DEF6: variants seen among roughly 807,000 people sequenced by gnomAD.
DEF6 encodes the protein DEF6 guanine nucleotide exchange factor, also known as differentially expressed in FDCP 6 homolog.
Under a neutral mutation model 80.5 loss-of-function variants are expected in DEF6, and 32 were observed. The observed-to-expected ratio is 0.40, with a 90% CI of 0.30 to 0.53. The LOEUF is 0.53. DEF6 is among the 20% of genes least tolerant of loss of function. DEF6 has a pLI of 0.57. For synonymous variants in DEF6, 300 were observed against 337.9 expected (o/e 0.89, Z 1.23); for missense variants, 575 against 818.7 (o/e 0.70, Z 3.63).
chr6:35,309,996 C>T (rs961538638), intron 2 of DEF6, among the ~76,000 whole-genome samples, 186 bp downstream of exon 2: 1 of 150,148 alleles, frequency 6.7e-6, no homozygotes, highest in Non-Finnish European at 1.5e-5. Context: ...TCCTGTCCCC[C>T]TCAATTCACC....
At chr6:35,298,056 C>A in intron 1 of DEF6, 104 bp downstream of exon 1, 1 of 1,033,972 alleles carries the variant, frequency 9.7e-7, no homozygotes, top group South Asian at 1.4e-5. Flanking sequence ...GGGCACCCAG[C>A]CATCCAGCGT....
chr6:35,311,827 T>C (rs1339518171), intron 3 of DEF6, among the ~76,000 whole-genome samples: 8 of 152,166 alleles, frequency 5.3e-5, no homozygotes, highest in Admixed American at 6.5e-5. Flanking sequence ...GGGTTGGGGA[T>C]TGGGGCTTGG....
rs1294704630 is a variant in DEF6, at chr6:35,321,351, G to T, written c.1837G>T (p.Ala613Ser). The T allele has an allele frequency of 3.1e-6, 5 of 1,614,020 alleles. No homozygotes were observed. The African/African-American group carries it at 6.7e-5, about 22-fold the overall frequency. The change falls in exon 11 of 11, where the codon GCT becomes TCT. Residue 613 changes from alanine to serine, a missense_variant. Transcript: ENST00000316637. ...GAAGTCCCTCAATGGTGGGGATGAG[G>T]CTCCTGCCCCGGCTTCCACCCCTCA... ...QQKSLNGGDE[A>S]PAPASTPQED...
In DEF6 at chr6:35,298,619, C is replaced by T. The variant is rs1582224695; in HGVS notation, c.96+667C>T. Among the ~76,000 whole-genome samples the T allele has an allele frequency of 2.0e-5, 3 of 152,192 alleles. No individual in the cohort carries two copies. The East Asian group carries it at 5.8e-4, about 29-fold the overall frequency. ...AATCTAAGCCCAGGAAAATCCCAAT[C>T]AATGATTGTCCTGAAGTCAATCATC... On this transcript the variant is annotated intron_variant, in intron 1 of 10. Coordinates refer to ENST00000316637, the MANE Select transcript of DEF6 (RefSeq NM_022047.4).
chr6:35,319,539 C>T lies in DEF6; in HGVS notation c.1231C>T (p.Gln411Ter). Residue 411 changes from glutamine to a stop codon, truncating the protein, a stop_gained, in exon 8 of 11, where the codon CAG becomes TAG. Coordinates refer to ENST00000316637, the MANE Select transcript of DEF6 (RefSeq NM_022047.4). LOFTEE classifies it high-confidence loss of function. The surrounding 1 kb of genome is among the most constrained non-coding windows in gnomAD (Gnocchi z 4.5). Reference sequence around the variant, plus strand: ...CCCTCCACAGGCCCGGGCCTCCATGCAGGCTGAGATGGAGCTGAAGGAGGA... The same window carrying T: ...CCCTCCACAGGCCCGGGCCTCCATGTAGGCTGAGATGGAGCTGAAGGAGGA... ...REAEQARASM[Q>*]AEMELKEEEA... is the part of the protein sequence containing the mutation. The T allele has an allele frequency of 1.2e-6, 2 of 1,612,032 alleles. No homozygotes were observed. Among genetic ancestry groups the T allele is most frequent in the Non-Finnish European group, 8.5e-7 (1 of 1,178,948 alleles).
Position 35,318,219 on chromosome 6 carries a change from A to C in DEF6, c.963A>C (p.Leu321=). The change falls in exon 7 of 11, where the codon CTA becomes CTC. Residue 321 remains leucine, a synonymous_variant. Transcript: ENST00000316637. This position sits in a 1 kb window ranked among gnomAD's most constrained non-coding sequence, Gnocchi z 5.1. ...IRLQAEGKTS[L]HKDLKQKRRE... is the part of the protein sequence containing the mutation. The stretch of plus-strand genomic sequence containing the variant: ...TGCAGGCCGAGGGGAAGACGTCCCT[A>C]CACAAGGACCTGAAGCAGAAACGGC... 1.3e-6 allele frequency: 2 copies of C among 1,596,084 alleles called. No individual in the cohort carries two copies. The highest frequency in any genetic ancestry group is 1.1e-5 in the South Asian group (1 of 89,796).
chr6:35,297,947 C>T lies in DEF6; in HGVS notation c.91C>T (p.Leu31Phe), dbSNP rs1465298199. The T allele has an allele frequency of 6.3e-7, 1 of 1,598,032 alleles. No individual in the cohort carries two copies. Among genetic ancestry groups the T allele is most frequent in the Non-Finnish European group, 8.5e-7 (1 of 1,173,304 alleles). ...GAGTGGCAAAGTCTCCAAGTCCCAG[C>T]TCAAGGTGAGGGGCACCCGGGACCC... ...EKSGKVSKSQLKVLSHNLYTV... is the reference protein window; with the variant it reads ...EKSGKVSKSQFKVLSHNLYTV... Residue 31 changes from leucine to phenylalanine, a missense_variant, in exon 1 of 11, where the codon CTC becomes TTC. Transcript: ENST00000316637.
At chr6:35,303,886 A>G (rs1007992640) in intron 1 of DEF6, among the ~76,000 whole-genome samples, 5 of 152,170 alleles carry the variant, frequency 3.3e-5, no homozygotes, top group African/African-American at 1.2e-4. Context: ...TAATCCCAGC[A>G]CTTTGGGAGG....
chr6:35,306,977 T>G (rs1791400227), intron 1 of DEF6, among the ~76,000 whole-genome samples: 1 of 152,242 alleles, frequency 6.6e-6, no homozygotes, highest in African/African-American at 2.4e-5. Context: ...ATACAGTGGT[T>G]CCTGACATGG....
intron 5 of DEF6, among the ~76,000 whole-genome samples, chr6:35,314,206 G>A (rs1292344686): frequency 6.6e-6 from 1 of 152,052 alleles, no homozygotes; most frequent in African/African-American, 2.4e-5. Flanking sequence ...TTGGGAGTTT[G>A]AGACCAGCCT....
chr6:35,304,019 G>A (rs1314651780), intron 1 of DEF6, among the ~76,000 whole-genome samples: 1 of 152,142 alleles, frequency 6.6e-6, no homozygotes, highest in Non-Finnish European at 1.5e-5. Flanking sequence ...TGTAATCCCA[G>A]CTACTCAGGA....
chr6:35,320,820 AAGATCAAG>A, intron 9 of DEF6, 56 bp from the exon 10 acceptor site: 1 of 1,466,786 alleles, frequency 6.8e-7, no homozygotes, highest in Non-Finnish European at 9.4e-7. Flanking sequence ...CGAACCTGAA[AAGATCAAG>A]ACTCCATGCC....
chr6:35,319,794 T>A lies in DEF6; in HGVS notation c.1383-25T>A, dbSNP rs761633438. On this transcript the variant is annotated intron_variant, in intron 8 of 10. Transcript: ENST00000316637. The surrounding 1 kb of genome is among the most constrained non-coding windows in gnomAD (Gnocchi z 4.5). ...TGCAAGGTGCCTTGGCACTAGAGGC[T>A]ACACAGTACACACTCACCCGGCAGA... 1 of 1,605,904 alleles carries A rather than the reference T, an allele frequency of 6.2e-7. No homozygotes were observed. Among genetic ancestry groups the A allele is most frequent in the Non-Finnish European group, 8.5e-7 (1 of 1,176,148 alleles).
At position 35,319,910 on chromosome 6, in the gene DEF6, G is replaced by C; in HGVS notation, c.1474G>C (p.Glu492Gln). 6.4e-7 allele frequency: 1 copy of C among 1,572,904 alleles called. No homozygotes were observed. The highest frequency in any genetic ancestry group is 1.9e-5 in the Admixed American group (1 of 52,614). ...RYIERAQQEK[E>Q]ELQQEMAQQS... ...CATCGAACGGGCGCAGCAGGAGAAG[G>C]AAGAGCTGCAGCAGGAGATGGCACA... is the stretch of plus-strand genomic sequence containing the variant. The change falls in exon 9 of 11, where the codon GAA becomes CAA. Residue 492 changes from glutamate (E) to glutamine (Q), a missense_variant. By Grantham distance (29) the Glu-to-Gln change is conservative. Coordinates refer to ENST00000316637, the MANE Select transcript of DEF6 (RefSeq NM_022047.4). This position sits in a 1 kb window ranked among gnomAD's most constrained non-coding sequence, Gnocchi z 4.5.
chr6:35,320,437 C>G (rs993090950), intron 9 of DEF6, among the ~76,000 whole-genome samples: 4 of 152,140 alleles, frequency 2.6e-5, no homozygotes, highest in African/African-American at 9.7e-5. Flanking sequence ...TGATCCCCCC[C>G]ACCTCACAAC....
chr6:35,311,986 C>G (rs895992267), intron 3 of DEF6, among the ~76,000 whole-genome samples: 1 of 152,170 alleles, frequency 6.6e-6, no homozygotes, highest in African/African-American at 2.4e-5. Flanking sequence ...CCTTTGCACT[C>G]CCTTGACACT....
intron 1 of DEF6, among the ~76,000 whole-genome samples, chr6:35,303,521 A>C: frequency 6.6e-6 from 1 of 152,216 alleles, no homozygotes; most frequent in East Asian, 1.9e-4. Context: ...GCCCCGTGAT[A>C]CCACAGTGAA....
At chr6:35,306,340 G>A (rs892667314) in intron 1 of DEF6, among the ~76,000 whole-genome samples, 8 of 151,074 alleles carry the variant, frequency 5.3e-5, no homozygotes, top group African/African-American at 7.3e-5. Flanking sequence ...GCAAAACCCC[G>A]TCTCTACTAA....
intron 2 of DEF6, 22 bp downstream of exon 2, chr6:35,309,832 G>GC: frequency 1.2e-6 from 2 of 1,612,840 alleles, no homozygotes; most frequent in Non-Finnish European, 1.7e-6. Flanking sequence ...CTTGTAGGGA[G>GC]CATCTGTAAC....
Sources: gnomAD v4.1 joint callset for allele counts (sites outside exome capture counted in the v4.1 genomes callset) on GRCh38, gnomAD v4.1.1 for gene constraint, Gnocchi (gnomAD v3.1) non-coding constraint, MANE v1.5 for transcripts, NCBI Gene and HGNC (gene_info 2026-07-23, HGNC 2026-07-21) for gene names.